The following RABGEF1 variants were observed in gnomAD, a reference collection of about 807,000 sequenced individuals.
The protein encoded by RABGEF1 is RAB guanine nucleotide exchange factor 1.
In RABGEF1, 26 loss-of-function variants were observed where a neutral mutation model predicts 57.3. That is an observed-to-expected ratio of 0.45 (90% CI 0.33 to 0.63). The LOEUF (loss-of-function observed/expected upper bound fraction) is 0.63. Among genes scored for constraint, RABGEF1 ranks in the 20% least tolerant of loss-of-function variants. The probability of loss-of-function intolerance (pLI) is 0.02; values close to 1 mark genes in which losing one functional copy is unlikely to be tolerated. For synonymous variants in RABGEF1, 185 were observed against 210.7 expected (o/e 0.88, Z 1.06); for missense variants, 464 against 607.6 (o/e 0.76, Z 2.48).
At chr7:66,676,526 A>G in the RABGEF1 span, among the ~76,000 whole-genome samples, 2 of 152,150 alleles carry the variant, frequency 1.3e-5, no homozygotes, top group African/African-American at 4.8e-5. Flanking sequence ...GTATGAGTGG[A>G]CCTACGCAGT....
At chr7:66,699,668 G>A (rs1792919735) in intron 1 of RABGEF1, among the ~76,000 whole-genome samples, 2 of 150,016 alleles carry the variant, frequency 1.3e-5, no homozygotes, top group African/African-American at 4.9e-5. Flanking sequence ...CTCCAACCTT[G>A]GTGACAGAGC....
intron 8 of RABGEF1, among the ~76,000 whole-genome samples, chr7:66,805,942 G>T (rs564576490): frequency 5.9e-4 from 89 of 150,010 alleles, no homozygotes; most frequent in African/African-American, 2.1e-3. Context: ...ATGGGGTCTC[G>T]CTGTGTTGCC....
chr7:66,725,494 T>G (rs1382906521), intron 2 of RABGEF1, among the ~76,000 whole-genome samples: 1 of 152,252 alleles, frequency 6.6e-6, no homozygotes, highest in Non-Finnish European at 1.5e-5. Context: ...TCAGAGTCCA[T>G]CCATGTTGTG....
chr7:66,675,560 T>G, the RABGEF1 span, among the ~76,000 whole-genome samples: 243 of 152,300 alleles, frequency 1.6e-3, 1 homozygote, highest in Middle Eastern at 6.8e-3. Flanking sequence ...CCAATTTTAT[T>G]CAACATAGCA....
chr7:66,711,151 C>T (rs1794726408), intron 1 of RABGEF1, among the ~76,000 whole-genome samples: 1 of 152,048 alleles, frequency 6.6e-6, no homozygotes, highest in African/African-American at 2.4e-5. Flanking sequence ...CAGAGTAAGA[C>T]CATCTTAAAA....
intron 6 of RABGEF1, 35 bp from the exon 7 acceptor site, chr7:66,799,288 C>T (rs573234470): frequency 1.3e-6 from 2 of 1,528,204 alleles, no homozygotes; most frequent in Non-Finnish European, 9.1e-7. Flanking sequence ...ACAGTTTATC[C>T]TTGGAGCTCT....
the RABGEF1 span, among the ~76,000 whole-genome samples, chr7:66,670,251 T>C: frequency 2.0e-5 from 3 of 152,116 alleles, no homozygotes; most frequent in African/African-American, 7.2e-5. Flanking sequence ...GCCTGGATGC[T>C]CTTCCCTGCA....
At position 66,810,011 on chromosome 7, in the gene RABGEF1, A is replaced by G. The variant is rs1174513500; in HGVS notation, c.*727A>G. 1.3e-5 allele frequency: 2 copies of G among 152,314 alleles called. No individual in the cohort carries two copies. The highest frequency in any genetic ancestry group is 2.9e-5 in the Non-Finnish European group (2 of 68,036). 9.4% of individuals were successfully genotyped at this position (152,314 alleles called of 1,614,324 possible). ...GCCACATAAAATTGCTGTTTAATGT[A>G]GTCGATGGAAGACTTTAAACTATGC... is the stretch of plus-strand genomic sequence containing the variant. On this transcript the variant is annotated 3_prime_UTR_variant, in exon 9 of 9. Coordinates refer to ENST00000284957, the MANE Select transcript of RABGEF1 (RefSeq NM_014504.3).
chr7:66,800,606 C>T (rs1186737879), intron 7 of RABGEF1, among the ~76,000 whole-genome samples: 2 of 152,172 alleles, frequency 1.3e-5, no homozygotes, highest in African/African-American at 4.8e-5. Flanking sequence ...TCGGGGAACC[C>T]CATAAGAGGT....
At chr7:66,771,077 G>C (rs982820745) in intron 1 of RABGEF1, among the ~76,000 whole-genome samples, 1 of 152,098 alleles carries the variant, frequency 6.6e-6, no homozygotes, top group Non-Finnish European at 1.5e-5. Flanking sequence ...CTCCCATTCT[G>C]TGTGTTGTTC....
At chr7:66,698,731 T>G (rs1792738480) in intron 1 of RABGEF1, among the ~76,000 whole-genome samples, 2 of 152,266 alleles carry the variant, frequency 1.3e-5, no homozygotes, top group South Asian at 4.1e-4. Flanking sequence ...ACCCCAGACC[T>G]GGGTCTCTGA....
At chr7:66,779,909 T>A (rs1809479454) in intron 3 of RABGEF1, among the ~76,000 whole-genome samples, 1 of 152,188 alleles carries the variant, frequency 6.6e-6, no homozygotes, top group Non-Finnish European at 1.5e-5. Flanking sequence ...TTCCCCTCTC[T>A]AATCCAAACT....
intron 4 of RABGEF1, among the ~76,000 whole-genome samples, chr7:66,784,457 C>T (rs1433407180): frequency 6.6e-6 from 1 of 152,160 alleles, no homozygotes; most frequent in Non-Finnish European, 1.5e-5. Context: ...CCCATAATTT[C>T]AGTGGCAATA....
the RABGEF1 span, among the ~76,000 whole-genome samples, chr7:66,664,519 C>G: frequency 2.6e-5 from 4 of 151,494 alleles, no homozygotes; most frequent in South Asian, 8.4e-4. Flanking sequence ...GCCTCAAACT[C>G]CTTGAGCCCA....
At chr7:66,752,450 T>C (rs1024155844) in intron 1 of RABGEF1, among the ~76,000 whole-genome samples, 13 of 150,956 alleles carry the variant, frequency 8.6e-5, no homozygotes, top group Admixed American at 6.6e-4. Context: ...GCCGAGATCA[T>C]GCCACTGCAC....
At position 66,809,290 on chromosome 7, in the gene RABGEF1, A is replaced by G. The variant is rs556811828; in HGVS notation, c.*6A>G. 9 of 1,598,876 alleles carry G rather than the reference A, an allele frequency of 5.6e-6. No individual in the cohort carries two copies. Among genetic ancestry groups the G allele is most frequent in the East Asian group, 4.5e-5 (2 of 44,604 alleles). On this transcript the variant is annotated 3_prime_UTR_variant, in exon 9 of 9. Transcript: ENST00000284957. ...CTCAAGTTTATGCAGGATGATCACA[A>G]TTTAGTGGAGAGTATTTATTTGAGC... is the stretch of plus-strand genomic sequence containing the variant.
chr7:66,702,061 C>T (rs1793357946), intron 1 of RABGEF1, among the ~76,000 whole-genome samples: 2 of 152,194 alleles, frequency 1.3e-5, no homozygotes, highest in African/African-American at 4.8e-5. Context: ...ACTCCCCAAT[C>T]TCCCATTTTC....
At chr7:66,722,316 T>C (rs1796143980) in intron 2 of RABGEF1, among the ~76,000 whole-genome samples, 1 of 152,192 alleles carries the variant, frequency 6.6e-6, no homozygotes, top group South Asian at 2.1e-4. Context: ...GGTGCGCGCC[T>C]GTAATCCCAG....
At chr7:66,674,192 C>CT in the RABGEF1 span, among the ~76,000 whole-genome samples, 6,040 of 139,242 alleles carry the variant, frequency 0.043, 162 homozygotes, top group East Asian at 0.086. Flanking sequence ...CCACTAAAGG[C>CT]TTTTTTTTTT....
Sources: gnomAD v4.1 joint callset for allele counts (sites outside exome capture counted in the v4.1 genomes callset) on GRCh38, gnomAD v4.1.1 for gene constraint, MANE v1.5 for transcripts, NCBI Gene and HGNC (gene_info 2026-07-23, HGNC 2026-07-21) for gene names.